CD109: variants seen among roughly 807,000 people sequenced by gnomAD.
The protein encoded by CD109 is CD109 molecule, also known as CD109 antigen.
A neutral mutation model predicts 165.8 loss-of-function variants in CD109; 149 were observed. The ratio of observed to expected loss-of-function variants is 0.90; its 90% CI spans 0.79 to 1.03. The LOEUF is 1.03. CD109 is among the 50% of genes least tolerant of loss of function. CD109 has a pLI of 0.00. For synonymous variants in CD109, 585 were observed against 592.1 expected (o/e 0.99, Z 0.18); for missense variants, 1,712 against 1,677.8 (o/e 1.02, Z -0.36).
At chr6:73,811,616 A>C (rs1368014656) in intron 28 of CD109, among the ~76,000 whole-genome samples, 1 of 152,142 alleles carries the variant, frequency 6.6e-6, no homozygotes, top group African/African-American at 2.4e-5. Flanking sequence ...TGTTCTTTTC[A>C]GCTGCTCCAC....
intron 23 of CD109, among the ~76,000 whole-genome samples, chr6:73,796,349 A>G (rs73460398): frequency 0.018 from 2,677 of 152,206 alleles, 48 homozygotes; most frequent in East Asian, 0.06. Context: ...TCTGAGCTCC[A>G]TGCTGCTTCA....
chr6:73,823,670 C>G lies in CD109; in HGVS notation c.*37C>G. 1 of 1,532,688 alleles carries G rather than the reference C, an allele frequency of 6.5e-7. No individual in the cohort carries two copies. The highest frequency in any genetic ancestry group is 8.9e-7 in the Non-Finnish European group (1 of 1,121,174). The allele number at this position is 1,532,688 out of a possible 1,614,324, so 94.9% of individuals were successfully genotyped here. ...AGGACTCTGTGTAACACTAACATTT[C>G]CAGTAGTCACATGTGATTGTTTTGT... On this transcript the variant is annotated 3_prime_UTR_variant, in exon 33 of 33. Coordinates refer to ENST00000287097, the MANE Select transcript of CD109 (RefSeq NM_133493.5).
At chr6:73,787,095 C>A in intron 20 of CD109, 139 bp from the exon 21 acceptor site, 1 of 612,966 alleles carries the variant, frequency 1.6e-6, no homozygotes, top group Non-Finnish European at 2.8e-6. Context: ...CTTTGATACT[C>A]TCCTTGGTCG....
chr6:73,768,456 C>CT (rs1773928562), intron 14 of CD109, among the ~76,000 whole-genome samples: 1 of 152,110 alleles, frequency 6.6e-6, no homozygotes, highest in Non-Finnish European at 1.5e-5. Context: ...TGGTTCTGGT[C>CT]TTTAAGACTT....
In CD109 at chr6:73,792,698, A is replaced by G. The variant is rs746642789; in HGVS notation, c.2774A>G (p.Asn925Ser). ...ATGCCTTATGGCTGTGGTGAACAGA[A>G]CATGATAAATTTTGCTCCAAATATT... is the stretch of plus-strand genomic sequence containing the variant. ...IRMPYGCGEQ[N>S]MINFAPNIYI... Residue 925 changes from asparagine (N) to serine (S), a missense_variant, in exon 23 of 33, where the codon AAC (asparagine) becomes AGC (serine). By Grantham distance (46) the Asn-to-Ser change is conservative. Coordinates refer to ENST00000287097, the MANE Select transcript of CD109 (RefSeq NM_133493.5). 6.2e-7 allele frequency: 1 copy of G among 1,613,304 alleles called. No individual in the cohort carries two copies. The highest frequency in any genetic ancestry group is 1.7e-5 in the Admixed American group (1 of 60,024).
intron 22 of CD109, among the ~76,000 whole-genome samples, chr6:73,791,130 T>C (rs1420907713): frequency 2.2e-5 from 1 of 45,238 alleles, no homozygotes; most frequent in Non-Finnish European, 3.5e-5. Context: ...TATATATACA[T>C]ACATACATAT....
At chr6:73,704,618 A>G (rs1451493680) in intron 2 of CD109, among the ~76,000 whole-genome samples, 1 of 152,208 alleles carries the variant, frequency 6.6e-6, no homozygotes, top group Non-Finnish European at 1.5e-5. Context: ...AGATCCCATA[A>G]GAATTTGGGC....
intron 30 of CD109, among the ~76,000 whole-genome samples, chr6:73,815,920 T>C (rs10943133): frequency 0.27 from 41,165 of 152,072 alleles, 5,946 homozygotes; most frequent in East Asian, 0.35. Flanking sequence ...TGCACTGGCA[T>C]TGAGGAGCTG....
chr6:73,749,105 G>A (rs946980094), intron 5 of CD109, among the ~76,000 whole-genome samples: 1 of 152,096 alleles, frequency 6.6e-6, no homozygotes, highest in Non-Finnish European at 1.5e-5. Flanking sequence ...TGCGAGGGTG[G>A]GAAGAAACAC....
intron 2 of CD109, among the ~76,000 whole-genome samples, chr6:73,703,862 T>C (rs1282910705): frequency 6.6e-6 from 1 of 152,156 alleles, no homozygotes; most frequent in African/African-American, 2.4e-5. Context: ...AAAGGCTGAT[T>C]CATGGCCTCC....
chr6:73,740,754 A>G (rs955734801), intron 5 of CD109, among the ~76,000 whole-genome samples: 1 of 151,600 alleles, frequency 6.6e-6, no homozygotes, highest in East Asian at 1.9e-4. Context: ...CACCATGCCC[A>G]GCTAATTTTT....
At chr6:73,788,183 G>C (rs1162012204) in intron 21 of CD109, among the ~76,000 whole-genome samples, 2 of 151,962 alleles carry the variant, frequency 1.3e-5, no homozygotes, top group East Asian at 1.9e-4. Flanking sequence ...GTTAATGAAG[G>C]GTACTGTACT....
Position 73,823,555 on chromosome 6 carries a change from TTCAGGC to T in CD109, c.4263_4268del (p.Gly1422_Ser1423del). On this transcript the variant is annotated inframe_deletion, in exon 33 of 33. Coordinates refer to ENST00000287097, the MANE Select transcript of CD109 (RefSeq NM_133493.5). ...GCTGCCGTCCTTGTGAGGATGGAGC[TTCAGGC>T]TCCCATCATCACTCTTCAGTCATTT... The T allele has an allele frequency of 6.2e-7, 1 of 1,613,582 alleles. No homozygotes were observed. Among genetic ancestry groups the T allele is most frequent in the Non-Finnish European group, 8.5e-7 (1 of 1,179,584 alleles).
chr6:73,779,253 CTT>C (rs36008384), intron 15 of CD109, among the ~76,000 whole-genome samples: 1 of 144,052 alleles, frequency 6.9e-6, no homozygotes, highest in Non-Finnish European at 1.5e-5. Flanking sequence ...AGCTTCATTT[CTT>C]TTTTTTTTTT....
At chr6:73,810,240 T>TA (rs1422613886) in intron 27 of CD109, 66 bp downstream of exon 27, 1 of 367,296 alleles carries the variant, frequency 2.7e-6, no homozygotes, top group Non-Finnish European at 4.3e-6. Flanking sequence ...ATTATATATA[T>TA]TTTATATATA....
At chr6:73,803,486 T>C (rs1215434382) in intron 24 of CD109, among the ~76,000 whole-genome samples, 185 bp downstream of exon 24, 1 of 152,196 alleles carries the variant, frequency 6.6e-6, no homozygotes, top group African/African-American at 2.4e-5. Context: ...ACAAATCAAA[T>C]GTTTTTATTT....
chr6:73,764,890 G>A (rs1316815522), intron 10 of CD109, among the ~76,000 whole-genome samples: 4 of 151,634 alleles, frequency 2.6e-5, no homozygotes, highest in Non-Finnish European at 5.9e-5. Context: ...GTCGGTAGAC[G>A]TTTCAGGTAG....
chr6:73,792,375 C>T (rs1392944139), intron 22 of CD109, among the ~76,000 whole-genome samples: 6 of 152,080 alleles, frequency 3.9e-5, no homozygotes, highest in Admixed American at 6.6e-5. Context: ...CTAATTTATG[C>T]CACATGCTTA....
chr6:73,810,194 T>C lies in CD109; in HGVS notation c.3546+20T>C. On this transcript the variant is annotated intron_variant, in intron 27 of 32. Coordinates refer to ENST00000287097, the MANE Select transcript of CD109 (RefSeq NM_133493.5). ...ACTCAGGTGAGAGATGATAGTTTTT[T>C]CCCTTTAAACTATAATATATAATAT... The C allele has an allele frequency of 7.2e-7, 1 of 1,383,348 alleles. No homozygotes were observed. Among genetic ancestry groups the C allele is most frequent in the Non-Finnish European group, 9.7e-7 (1 of 1,029,536 alleles). 85.7% of individuals were successfully genotyped at this position (1,383,348 alleles called of 1,614,324 possible). A position where few individuals can be genotyped will look rare whatever the true frequency, so the allele number is the denominator to read the frequency against.
Sources: gnomAD v4.1 joint callset for allele counts (sites outside exome capture counted in the v4.1 genomes callset) on GRCh38, gnomAD v4.1.1 for gene constraint, MANE v1.5 for transcripts, NCBI Gene and HGNC (gene_info 2026-07-23, HGNC 2026-07-21) for gene names.